Variants in MED15 observed in about 807,000 individuals in gnomAD.
MED15 encodes the protein mediator complex subunit 15.
Under a neutral mutation model 118.7 loss-of-function variants are expected in MED15, and 41 were observed. The observed-to-expected ratio is 0.35, with a 90% CI of 0.27 to 0.45. The LOEUF (loss-of-function observed/expected upper bound fraction) is 0.45, where lower values mean the gene tolerates loss of function less well. Ranked by LOEUF, MED15 falls within the 20% of genes least tolerant of loss-of-function variation. The pLI, the probability that MED15 is intolerant of heterozygous loss-of-function variation, is 1.00. For synonymous variants in MED15, 436 were observed against 413.9 expected (o/e 1.05, Z -0.65); for missense variants, 740 against 1,025.5 (o/e 0.72, Z 3.80).
At position 20,562,929 on chromosome 22, in the gene MED15, G is replaced by T. The variant is rs567277307; in HGVS notation, c.452-1521G>T. ...CATGCACCTGTAGTTCCAGCTACTC[G>T]GGAGGCTGAGGCAGGAGGGTCACTT... On this transcript the variant is annotated intron_variant, in intron 5 of 17. Transcript: ENST00000263205. Among the ~76,000 whole-genome samples, 6 of 151,964 alleles carry T rather than the reference G, an allele frequency of 3.9e-5. No homozygotes were observed. In the South Asian group the frequency reaches 1.2e-3, roughly 32 times the overall value.
chr22:20,522,345 C>T (rs2054492738), intron 1 of MED15: 1 of 152,138 alleles, frequency 6.6e-6, no homozygotes, highest in Non-Finnish European at 1.5e-5. Flanking sequence ...TCCTTGCCAA[C>T]ACCTGGTATT....
chr22:20,558,198 G>A (rs571500666), intron 5 of MED15, among the ~76,000 whole-genome samples: 1 of 152,276 alleles, frequency 6.6e-6, no homozygotes, highest in African/African-American at 2.4e-5. Flanking sequence ...TTCACCACTT[G>A]CCTCCCTGGT....
In MED15 at chr22:20,575,310, A is replaced by G. The variant is rs887755150; in HGVS notation, c.1272+78A>G. ...AGCGCCTTTGTAAAGCGCACCTGTC[A>G]TTATCATCGCCGGTGACTTCTTTTA... On this transcript the variant is annotated intron_variant, in intron 9 of 17. Transcript: ENST00000263205. The G allele has an allele frequency of 3.1e-5, 47 of 1,518,670 alleles. No individual in the cohort carries two copies. In the South Asian group the frequency reaches 5.5e-4, roughly 18 times the overall value. 94.1% of individuals were successfully genotyped at this position (1,518,670 alleles called of 1,614,324 possible). A position where few individuals can be genotyped will look rare whatever the true frequency, so the allele number is the denominator to read the frequency against.
chr22:20,528,512 G>A (rs772109366), intron 1 of MED15, among the ~76,000 whole-genome samples: 10 of 152,204 alleles, frequency 6.6e-5, no homozygotes, highest in Admixed American at 3.9e-4. Context: ...CTGACAGGAG[G>A]CAGAGCTCAG....
At chr22:20,523,221 C>T (rs1040733006) in intron 1 of MED15, among the ~76,000 whole-genome samples, 2 of 151,978 alleles carry the variant, frequency 1.3e-5, no homozygotes, top group Non-Finnish European at 2.9e-5. Flanking sequence ...TATAGGTTTC[C>T]CATGGCTTAG....
rs775185392 is a variant in MED15, at chr22:20,586,649, C to A, written c.2312C>A (p.Ala771Asp). 4 of 1,613,048 alleles carry A rather than the reference C, an allele frequency of 2.5e-6. No homozygotes were observed. The East Asian group carries it at 8.9e-5, about 36-fold the overall frequency. Residue 771 changes from alanine to aspartate, a missense_variant, in exon 18 of 18, where the codon GCC becomes GAC. This residue lies in a region of MED15 where 179 missense variants were observed against 259.0 expected (regional missense o/e 0.69). Transcript: ENST00000263205. The part of the protein sequence containing the change: ...LQLPDKHSVT[A>D]LLNTWAQSVH... ...CTCCCGGACAAGCACTCGGTCACCG[C>A]CTTGCTCAACACCTGGGCCCAGAGC...
chr22:20,518,905 T>G, intron 1 of MED15: 1 of 453,076 alleles, frequency 2.2e-6, no homozygotes, highest in Non-Finnish European at 4.4e-6. Flanking sequence ...CAGGCTGAAG[T>G]GCAGTGGCGT....
chr22:20,551,661 A>G (rs2055780331), intron 3 of MED15, 174 bp downstream of exon 3: 1 of 666,150 alleles, frequency 1.5e-6, no homozygotes. Context: ...AGATCCCTCC[A>G]TCCTCCCAGA....
At position 20,582,907 on chromosome 22, in the gene MED15, G is replaced by A. The variant is rs753966700; in HGVS notation, c.1477G>A (p.Val493Met). 6.2e-7 allele frequency: 1 copy of A among 1,613,596 alleles called. No individual in the cohort carries two copies. Among genetic ancestry groups the A allele is most frequent in the African/African-American group, 1.3e-5 (1 of 74,916 alleles). ...SPSPQPSQSPVTARTPQNFSV... is the reference protein window; with the variant it reads ...SPSPQPSQSPMTARTPQNFSV... ...CTCACCGCAGCCCTCCCAGAGCCCAGTGACGGCGCGGACCCCACAGAACTT... is the reference window on the plus strand; with the variant it reads ...CTCACCGCAGCCCTCCCAGAGCCCAATGACGGCGCGGACCCCACAGAACTT... The change falls in exon 11 of 18, where the codon GTG becomes ATG. Residue 493 changes from valine (V) to methionine (M), a missense_variant. Physicochemically the swap from Val to Met is conservative, Grantham distance 21. Transcript: ENST00000263205.
In MED15 at chr22:20,553,078, C is replaced by A. The variant is rs1404871467; in HGVS notation, c.209-67C>A. The A allele has an allele frequency of 2.0e-6, 3 of 1,475,810 alleles. No homozygotes were observed. The African/African-American group carries it at 4.2e-5, about 21-fold the overall frequency. The allele number at this position is 1,475,810 out of a possible 1,614,324, so 91.4% of individuals were successfully genotyped here. On this transcript the variant is annotated intron_variant, in intron 3 of 17. Coordinates refer to ENST00000263205, the MANE Select transcript of MED15 (RefSeq NM_001003891.3). ...GGCAAATGCCTACAGAACTGACCTA[C>A]CCATGGAAATATGTGGTTATATAAA... is the stretch of plus-strand genomic sequence containing the variant.
intron 4 of MED15, 186 bp from the exon 5 acceptor site, chr22:20,554,750 C>G: frequency 3.4e-6 from 2 of 591,262 alleles, no homozygotes; most frequent in Admixed American, 3.1e-5. Context: ...CAGTGACCAA[C>G]ACACCTGGCG....
At chr22:20,544,770 G>C (rs1449302625) in intron 2 of MED15, among the ~76,000 whole-genome samples, 1 of 152,204 alleles carries the variant, frequency 6.6e-6, no homozygotes, top group African/African-American at 2.4e-5. Flanking sequence ...GAGGCTATAG[G>C]AGAGGAACCT....
At chr22:20,508,257 T>A in intron 1 of MED15, 1 of 1,293,032 alleles carries the variant, frequency 7.7e-7, no homozygotes, top group South Asian at 1.3e-5. Context: ...CGAAGGAATG[T>A]GGACTTTGCC....
At chr22:20,567,354 A>C (rs968691723) in intron 7 of MED15, among the ~76,000 whole-genome samples, 1 of 152,216 alleles carries the variant, frequency 6.6e-6, no homozygotes, top group Non-Finnish European at 1.5e-5. Context: ...CAGTCTACTC[A>C]GTGACAGGCA....
At chr22:20,583,645 TCATC>T in intron 13 of MED15, 1 of 498,396 alleles carries the variant, frequency 2.0e-6, no homozygotes, top group South Asian at 2.3e-5. Context: ...CAGCCAGACC[TCATC>T]CAGTCAGCAG....
chr22:20,583,890 G>A (rs1049364038), intron 13 of MED15: 6 of 233,738 alleles, frequency 2.6e-5, no homozygotes, highest in Non-Finnish European at 4.3e-5. Context: ...CAGAGCTCGG[G>A]CAGTACCTCC....
rs560532613 is a variant in MED15, at chr22:20,547,594, C to T, written c.157-3842C>T. Among the ~76,000 whole-genome samples, 6 of 151,528 alleles carry T rather than the reference C, an allele frequency of 4.0e-5. No homozygotes were observed. In the East Asian group the frequency reaches 5.8e-4, roughly 15 times the overall value. On this transcript the variant is annotated intron_variant, in intron 2 of 17. Coordinates refer to ENST00000263205, the MANE Select transcript of MED15 (RefSeq NM_001003891.3). ...CAGCACTTTGGGAGGCTGAGGTGGGCGGATCAGAAGGTCAGGAGATCGAGA... is the reference window on the plus strand; with the variant it reads ...CAGCACTTTGGGAGGCTGAGGTGGGTGGATCAGAAGGTCAGGAGATCGAGA...
rs2057091022 is a variant in MED15 at position 20,584,986 on chromosome 22, C to T, written c.1935C>T (p.Ala645=). 2.5e-6 allele frequency: 4 copies of T among 1,614,074 alleles called. No individual in the cohort carries two copies. Among genetic ancestry groups the T allele is most frequent in the Non-Finnish European group, 3.4e-6 (4 of 1,180,024 alleles). ...NHSLYRTFVP[A]MTAIHGPPIT... Reference sequence around the variant, plus strand: ...CCCTGTACCGCACATTCGTTCCAGCCATGACCGCCATTCACGGCCCACCCA... The same window carrying T: ...CCCTGTACCGCACATTCGTTCCAGCTATGACCGCCATTCACGGCCCACCCA... The change falls in exon 15 of 18, where the codon GCC becomes GCT. Residue 645 remains alanine, a synonymous_variant. Transcript: ENST00000263205.
intron 1 of MED15, among the ~76,000 whole-genome samples, chr22:20,533,246 C>G (rs5995717): frequency 0.8 from 122,029 of 152,052 alleles, 49,017 homozygotes; most frequent in East Asian, 0.86. Context: ...GGGTACCCTC[C>G]TGGAGTCAAT....
Sources: allele counts gnomAD v4.1 joint callset (sites outside exome capture counted in the v4.1 genomes callset), GRCh38; gene constraint gnomAD v4.1.1; regional missense constraint gnomAD v4.1.1; transcripts MANE v1.5; gene names NCBI Gene and HGNC (gene_info 2026-07-23, HGNC 2026-07-21).